The following MAPK8 variants were observed in gnomAD, a reference collection of about 807,000 sequenced individuals.
MAPK8 encodes JUN N-terminal kinase.
A neutral mutation model predicts 52.9 loss-of-function variants in MAPK8; 13 were observed. The observed-to-expected ratio is 0.25, with a 90% CI of 0.16 to 0.39. The LOEUF (loss-of-function observed/expected upper bound fraction) is 0.39. MAPK8 is among the 10% of genes least tolerant of loss of function. The pLI is 1.00. For missense variants in MAPK8, 300 were observed against 519.2 expected (o/e 0.58, Z 4.10); for synonymous variants, 191 against 169.8 (o/e 1.12, Z -0.97).
chr10:48,345,394 A>T (rs1234942231), intron 1 of MAPK8, among the ~76,000 whole-genome samples: 1 of 152,200 alleles, frequency 6.6e-6, no homozygotes, highest in African/African-American at 2.4e-5. Flanking sequence ...GTGAATCCTA[A>T]GTATTTTGCG....
chr10:48,426,130 G>T, intron 8 of MAPK8, 60 bp downstream of exon 8: 1 of 1,393,922 alleles, frequency 7.2e-7, no homozygotes, highest in Non-Finnish European at 9.8e-7. Context: ...GTGTGTATGG[G>T]TTTGTGTGTT....
chr10:48,369,948 C>A (rs943131641), intron 1 of MAPK8, among the ~76,000 whole-genome samples: 1 of 152,010 alleles, frequency 6.6e-6, no homozygotes, highest in Non-Finnish European at 1.5e-5. Context: ...GTGAAGAAAT[C>A]AAAATAAATA....
chr10:48,413,858 T>TATATATAACA (rs1444968579), intron 5 of MAPK8, among the ~76,000 whole-genome samples: 2 of 133,648 alleles, frequency 1.5e-5, no homozygotes, highest in Non-Finnish European at 3.3e-5. Flanking sequence ...TATATATATA[T>TATATATAACA]ATTCAGAAAT....
chr10:48,390,889 G>C (rs138329641), intron 1 of MAPK8, among the ~76,000 whole-genome samples: 1 of 152,332 alleles, frequency 6.6e-6, no homozygotes, highest in East Asian at 1.9e-4. Flanking sequence ...ATCTGAAAAT[G>C]TAGGAGATGC....
chr10:48,358,881 G>T (rs916323165), intron 1 of MAPK8, among the ~76,000 whole-genome samples: 1 of 152,074 alleles, frequency 6.6e-6, no homozygotes, highest in African/African-American at 2.4e-5. Flanking sequence ...TTTCCCTCTT[G>T]TCTTGACACC....
At chr10:48,336,006 A>G (rs1263164625) in intron 1 of MAPK8, among the ~76,000 whole-genome samples, 5 of 152,188 alleles carry the variant, frequency 3.3e-5, no homozygotes, top group Non-Finnish European at 5.9e-5. Context: ...AGATCTTTCA[A>G]ATGTGTTTCT....
intron 1 of MAPK8, among the ~76,000 whole-genome samples, chr10:48,369,456 T>G (rs1848354722): frequency 6.6e-6 from 1 of 152,154 alleles, no homozygotes; most frequent in African/African-American, 2.4e-5. Flanking sequence ...TTTATTTTTG[T>G]GCACGTGCAG....
chr10:48,359,574 A>G (rs868769773), intron 1 of MAPK8, among the ~76,000 whole-genome samples: 2 of 152,220 alleles, frequency 1.3e-5, no homozygotes, highest in African/African-American at 4.8e-5. Flanking sequence ...AAGGTAGAAA[A>G]TAGACAGTGG....
rs1319764815 is a variant in MAPK8 at position 48,403,918 on chromosome 10, TGTG to T, written c.123-933_123-931del. Among the ~76,000 whole-genome samples, 6 of 10,002 alleles carry T rather than the reference TGTG, an allele frequency of 6.0e-4. No homozygotes were observed. In the East Asian group the frequency reaches 0.017, roughly 29 times the overall value. 6.6% of individuals were successfully genotyped at this position (10,002 alleles called of 152,430 possible). On this transcript the variant is annotated intron_variant, in intron 2 of 11. Transcript: ENST00000374189. ...TGCCTGCCACCACGCCCGGCTAATTTGTGTGTGTGTGTGTGTGTGTGTGTGTGT... is the reference window on the plus strand; with the variant it reads ...TGCCTGCCACCACGCCCGGCTAATTTTGTGTGTGTGTGTGTGTGTGTGTGT...
At chr10:48,321,713 A>G (rs1429195013) in intron 1 of MAPK8, among the ~76,000 whole-genome samples, 1 of 152,162 alleles carries the variant, frequency 6.6e-6, no homozygotes, top group Non-Finnish European at 1.5e-5. Context: ...CATGTGAGGT[A>G]ATTCTTTTGC....
Position 48,430,790 on chromosome 10 carries a change from C to T in MAPK8, c.1061-403C>T, listed in dbSNP as rs577621079. ...AGTTGAGTACCCACAGTGCACCAGG[C>T]TCTATTCCAGGGCCCAGGAAATGGA... On this transcript the variant is annotated intron_variant, in intron 10 of 11. Transcript: ENST00000374189. The T allele has an allele frequency of 3.3e-5, 7 of 209,876 alleles. No homozygotes were observed. The South Asian group carries it at 6.0e-4, about 18-fold the overall frequency. 13.0% of individuals were successfully genotyped at this position (209,876 alleles called of 1,614,324 possible).
chr10:48,404,814 T>A (rs750457039), intron 2 of MAPK8, 38 bp from the exon 3 acceptor site: 17 of 1,554,286 alleles, frequency 1.1e-5, no homozygotes, highest in Non-Finnish European at 1.4e-5. Context: ...GATTTTTGCT[T>A]GAAGTTTTTT....
intron 1 of MAPK8, among the ~76,000 whole-genome samples, chr10:48,345,696 A>G (rs1199092594): frequency 6.6e-6 from 1 of 152,224 alleles, no homozygotes; most frequent in Admixed American, 6.5e-5. Context: ...AGAAAAATGG[A>G]GAGAACTGGG....
At chr10:48,321,073 T>C (rs562317451) in intron 1 of MAPK8, among the ~76,000 whole-genome samples, 1 of 151,800 alleles carries the variant, frequency 6.6e-6, no homozygotes, top group East Asian at 1.9e-4. Flanking sequence ...ATTTATCTTT[T>C]TATTACGTTG....
chr10:48,322,449 C>T (rs1330820253), intron 1 of MAPK8, among the ~76,000 whole-genome samples: 1 of 152,270 alleles, frequency 6.6e-6, no homozygotes. Flanking sequence ...TTTTTGTTGA[C>T]TTTGGCAGGA....
chr10:48,436,645 T>C lies in MAPK8; in HGVS notation c.*1616T>C, dbSNP rs1226442525. On this transcript the variant is annotated 3_prime_UTR_variant, in exon 12 of 12. Coordinates refer to ENST00000374189, the MANE Select transcript of MAPK8 (RefSeq NM_001323329.2). Reference sequence around the variant, plus strand: ...ATTTGCTTGGCATTTTATTCATATATTTAGTGCAAAATTATTTTTGAGTGA... The same window carrying C: ...ATTTGCTTGGCATTTTATTCATATACTTAGTGCAAAATTATTTTTGAGTGA... 1.3e-5 allele frequency: 2 copies of C among 152,244 alleles called. No homozygotes were observed. The highest frequency in any genetic ancestry group is 2.9e-5 in the Non-Finnish European group (2 of 68,044). 9.4% of individuals were successfully genotyped at this position (152,244 alleles called of 1,614,324 possible).
At chr10:48,381,437 C>G (rs2040999055) in intron 1 of MAPK8, among the ~76,000 whole-genome samples, 1 of 152,100 alleles carries the variant, frequency 6.6e-6, no homozygotes, top group Non-Finnish European at 1.5e-5. Flanking sequence ...AAGAGTGTTT[C>G]CCATGTATCT....
intron 1 of MAPK8, among the ~76,000 whole-genome samples, chr10:48,376,621 A>G (rs1396715945): frequency 6.6e-6 from 1 of 152,240 alleles, no homozygotes; most frequent in Non-Finnish European, 1.5e-5. Flanking sequence ...CAACAAACAT[A>G]TGAAAAAATG....
At chr10:48,405,852 A>G (rs2042435869) in intron 3 of MAPK8, among the ~76,000 whole-genome samples, 1 of 151,616 alleles carries the variant, frequency 6.6e-6, no homozygotes, top group Non-Finnish European at 1.5e-5. Flanking sequence ...AAATATGTGC[A>G]GGCCTCTGTG....
Sources: gnomAD v4.1 joint callset for allele counts (sites outside exome capture counted in the v4.1 genomes callset) on GRCh38, gnomAD v4.1.1 for gene constraint, MANE v1.5 for transcripts, NCBI Gene and HGNC (gene_info 2026-07-23, HGNC 2026-07-21) for gene names.